Variants in FAM228B observed in about 807,000 individuals in gnomAD.
The protein encoded by FAM228B is protein FAM228B.
Under a neutral mutation model 42.6 loss-of-function variants are expected in FAM228B, and 38 were observed. The observed-to-expected ratio is 0.89, with a 90% confidence interval of 0.69 to 1.17. The LOEUF (loss-of-function observed/expected upper bound fraction) is 1.17. Among genes scored for constraint, FAM228B ranks in the 50% most tolerant of loss-of-function variants. The probability of loss-of-function intolerance (pLI) is 0.00; values close to 1 mark genes in which losing one functional copy is unlikely to be tolerated. For synonymous variants in FAM228B, 109 were observed against 122.3 expected (o/e 0.89, Z 0.72); for missense variants, 344 against 367.3 (o/e 0.94, Z 0.52).
At chr2:24,146,213 A>G (rs144126254) in intron 5 of FAM228B, among the ~76,000 whole-genome samples, 83 of 152,290 alleles carry the variant, frequency 5.5e-4, no homozygotes, top group Non-Finnish European at 9.1e-4. Flanking sequence ...GACTAGGCCT[A>G]AATGGTGAAT....
At chr2:24,129,965 C>T (rs1457221594) in intron 2 of FAM228B, among the ~76,000 whole-genome samples, 5 of 152,088 alleles carry the variant, frequency 3.3e-5, no homozygotes, top group Admixed American at 1.3e-4. Flanking sequence ...CCTCCCCTCA[C>T]CCCCAGCCCT....
intron 3 of FAM228B, among the ~76,000 whole-genome samples, chr2:24,113,941 G>A (rs549330590): frequency 5.9e-5 from 9 of 151,362 alleles, no homozygotes; most frequent in Non-Finnish European, 1.0e-4. Context: ...ATGGATGAAC[G>A]GACTAGTGGC....
rs1667516088 is a variant in FAM228B at position 24,169,400 on chromosome 2, A to G, written c.*59A>G. The stretch of plus-strand genomic sequence containing the variant: ...ACACACCCTGATCCTTGATTGGTGA[A>G]AGGATACACAAAATCAGGCTGCTTC... On this transcript the variant is annotated 3_prime_UTR_variant, in exon 11 of 11. Coordinates refer to ENST00000615575, the MANE Select transcript of FAM228B (RefSeq NM_001145710.2). This position sits in a 1 kb window ranked among gnomAD's most constrained non-coding sequence, Gnocchi z 4.2. 1 of 463,532 alleles carries G rather than the reference A, an allele frequency of 2.2e-6. No homozygotes were observed. Among genetic ancestry groups the G allele is most frequent in the Middle Eastern group, 3.3e-4 (1 of 3,036 alleles). The allele number at this position is 463,532 out of a possible 1,614,324, so 28.7% of individuals were successfully genotyped here. A position where few individuals can be genotyped will look rare whatever the true frequency, so the allele number is the denominator to read the frequency against.
intron 2 of FAM228B, among the ~76,000 whole-genome samples, chr2:24,082,253 C>T (rs1665039039): frequency 6.6e-6 from 1 of 152,184 alleles, no homozygotes; most frequent in Non-Finnish European, 1.5e-5. Context: ...CAAAGTGCTA[C>T]GATTATAGGT....
intron 3 of FAM228B, among the ~76,000 whole-genome samples, chr2:24,098,891 C>T (rs898664791): frequency 6.6e-6 from 1 of 152,200 alleles, no homozygotes; most frequent in African/African-American, 2.4e-5. Context: ...CAATAAAATA[C>T]TGGCAAACCA....
chr2:24,102,501 C>T (rs1482971959), intron 3 of FAM228B, among the ~76,000 whole-genome samples: 1 of 152,128 alleles, frequency 6.6e-6, no homozygotes. Context: ...ACTTTGGAAG[C>T]CCAAGGCAGG....
At chr2:24,122,655 T>C, upstream of FAM228B, 3 of 707,662 alleles carry the variant, frequency 4.2e-6, no homozygotes, top group Non-Finnish European at 7.4e-6. Context: ...TCAGCAAGTG[T>C]ACTTTGAAAA....
intron 3 of FAM228B, chr2:24,115,632 G>T (rs199971721): frequency 1.9e-6 from 3 of 1,611,118 alleles, no homozygotes; most frequent in African/African-American, 1.3e-5. Flanking sequence ...ACACAGCATG[G>T]TTATTATTTA....
chr2:24,165,500 G>C (rs1051079605), intron 9 of FAM228B: 1 of 470,492 alleles, frequency 2.1e-6, no homozygotes, highest in Non-Finnish European at 4.4e-6. Context: ...AGCCCTCCAC[G>C]GTCAGCTGCA....
chr2:24,132,179 C>T (rs1666469490), intron 2 of FAM228B, among the ~76,000 whole-genome samples: 1 of 152,158 alleles, frequency 6.6e-6, no homozygotes. Context: ...AGGGATGAAG[C>T]CAACTTGATG....
At position 24,139,390 on chromosome 2, in the gene FAM228B, T is replaced by C. The variant is rs774487306; in HGVS notation, c.381T>C (p.His127=). ...VNKKGNAFIE[H]YDPKEYDPFY... ...TATAGGGAAATGCATTTATAGAACA[T>C]TATGATCCAAAAGAGTATGATCCCT... Residue 127 remains histidine, a synonymous_variant, in exon 5 of 11, where the codon CAT becomes CAC. Coordinates refer to ENST00000615575, the MANE Select transcript of FAM228B (RefSeq NM_001145710.2). 3.5e-5 allele frequency: 54 copies of C among 1,545,584 alleles called. No individual in the cohort carries two copies. Among genetic ancestry groups the C allele is most frequent in the Non-Finnish European group, 3.2e-5 (37 of 1,141,922 alleles).
At position 24,080,008 on chromosome 2, in the gene FAM228B, G is replaced by C. The variant is rs1187899422; in HGVS notation, c.-289-868G>C. Among the ~76,000 whole-genome samples the C allele has an allele frequency of 2.0e-5, 3 of 152,150 alleles. No individual in the cohort carries two copies. Among genetic ancestry groups the C allele is most frequent in the African/African-American group, 7.2e-5 (3 of 41,430 alleles). On this transcript the variant is annotated intron_variant, in intron 1 of 10. Coordinates refer to the FAM228B transcript ENST00000613899. The surrounding 1 kb of genome is among the most constrained non-coding windows in gnomAD (Gnocchi z 4.7). ...AGAAGTTAGGAAGTGTCCGCACTAGGTTATTGGAATCATAGGCTTTCTAGC... is the reference window on the plus strand; with the variant it reads ...AGAAGTTAGGAAGTGTCCGCACTAGCTTATTGGAATCATAGGCTTTCTAGC...
At chr2:24,165,577 C>T (rs1165549974) in intron 9 of FAM228B, 2 of 409,214 alleles carry the variant, frequency 4.9e-6, no homozygotes, top group African/African-American at 4.2e-5. Flanking sequence ...CTCTTCTGAC[C>T]CTGATCTGGA....
At chr2:24,083,158 GAGAA>G in intron 2 of FAM228B, 2 of 1,598,726 alleles carry the variant, frequency 1.3e-6, no homozygotes, top group Non-Finnish European at 1.7e-6. Flanking sequence ...TGTCTCTGCA[GAGAA>G]AGAAGTGCAC....
chr2:24,112,533 C>T (rs1372985496), intron 3 of FAM228B, among the ~76,000 whole-genome samples: 1 of 152,060 alleles, frequency 6.6e-6, no homozygotes, highest in Middle Eastern at 3.2e-3. Context: ...AACTCCTGAC[C>T]TCAGCTGATC....
At chr2:24,152,638 C>T (rs1288366774) in intron 7 of FAM228B, among the ~76,000 whole-genome samples, 2 of 152,232 alleles carry the variant, frequency 1.3e-5, no homozygotes, top group Non-Finnish European at 2.9e-5. Context: ...AACAGTCTCT[C>T]TCTCTGTGCT....
At chr2:24,112,027 G>T (rs1010423364) in intron 3 of FAM228B, among the ~76,000 whole-genome samples, 13 of 152,242 alleles carry the variant, frequency 8.5e-5, no homozygotes, top group African/African-American at 3.1e-4. Context: ...TTATGTAAAA[G>T]TTCTAAACTG....
At chr2:24,144,263 G>T (rs1310150732) in intron 5 of FAM228B, among the ~76,000 whole-genome samples, 3 of 151,928 alleles carry the variant, frequency 2.0e-5, no homozygotes, top group Non-Finnish European at 4.4e-5. Context: ...AACATAGGGA[G>T]ACCTGTCTCT....
chr2:24,167,943 G>T, intron 10 of FAM228B: 2 of 393,824 alleles, frequency 5.1e-6, no homozygotes, highest in South Asian at 3.3e-5. Context: ...CCTATTGCTT[G>T]GAATTTCTCA....
Sources: gnomAD v4.1 joint callset for allele counts (sites outside exome capture counted in the v4.1 genomes callset) on GRCh38, gnomAD v4.1.1 for gene constraint, Gnocchi (gnomAD v3.1) non-coding constraint, MANE v1.5 for transcripts, NCBI Gene and HGNC (gene_info 2026-07-23, HGNC 2026-07-21) for gene names.